The following TRIO variants were observed in gnomAD, a reference collection of about 807,000 sequenced individuals.
TRIO encodes triple functional domain protein.
TRIO carries 58 observed loss-of-function variants against 351.9 expected under a neutral mutation model. The ratio of observed to expected loss-of-function variants is 0.16; its 90% CI spans 0.13 to 0.21. The LOEUF (loss-of-function observed/expected upper bound fraction) is 0.21, where lower values mean the gene tolerates loss of function less well. Ranked by LOEUF, TRIO falls within the 10% of genes least tolerant of loss-of-function variation. The pLI is 1.00. For synonymous variants in TRIO, 1,758 were observed against 1,595.7 expected, an observed-to-expected ratio of 1.10 and a Z score of -2.42; for missense variants, 3,201 against 4,027.8, an observed-to-expected ratio of 0.79 and a Z score of 5.56.
intron 30 of TRIO, chr5:14,399,433 A>C: frequency 3.2e-6 from 1 of 309,024 alleles, no homozygotes; most frequent in Non-Finnish European, 5.9e-6. Flanking sequence ...TTTTTCAACC[A>C]TAAACATTGG....
At chr5:14,465,463 G>A (rs1754181288) in intron 36 of TRIO, 82 bp from the exon 37 acceptor site, 3 of 1,338,948 alleles carry the variant, frequency 2.2e-6, no homozygotes, top group Non-Finnish European at 3.2e-6. Flanking sequence ...AAGAGATGGA[G>A]CTTGCAGGGG....
chr5:14,302,198 A>G (rs1055080658), intron 7 of TRIO, among the ~76,000 whole-genome samples: 2 of 152,230 alleles, frequency 1.3e-5, no homozygotes, highest in African/African-American at 2.4e-5. Flanking sequence ...ATATAGTGAT[A>G]TGTTAATCTG....
intron 1 of TRIO, among the ~76,000 whole-genome samples, chr5:14,260,884 A>G (rs1795303339): frequency 1.3e-5 from 2 of 152,352 alleles, no homozygotes; most frequent in South Asian, 2.1e-4. Context: ...GCTTTGGTGT[A>G]TGTTTTCCCC....
chr5:14,503,290 C>T (rs1757423278), intron 54 of TRIO, among the ~76,000 whole-genome samples: 1 of 152,222 alleles, frequency 6.6e-6, no homozygotes, highest in Non-Finnish European at 1.5e-5. Context: ...CCAGAAACTC[C>T]AGCCAGCAGC....
rs956438598 is a variant in TRIO, at chr5:14,387,793, G to A, written c.3827G>A (p.Arg1276Gln). The change falls in exon 23 of 57, where the codon CGA (arginine) becomes CAA (glutamine). Residue 1276 changes from arginine to glutamine, a missense_variant. Physicochemically the swap from Arg to Gln is conservative, Grantham distance 43 (BLOSUM62 1). Transcript: ENST00000344204. ...ATCCCTGGCTCAGAGGTGAAACTTCGAGATGCTGCTCATGAACTTAATGAA... is the reference window on the plus strand; with the variant it reads ...ATCCCTGGCTCAGAGGTGAAACTTCAAGATGCTGCTCATGAACTTAATGAA... ...ASIPGSEVKL[R>Q]DAAHELNEEK... 4 of 1,614,196 alleles carry A rather than the reference G, an allele frequency of 2.5e-6. No homozygotes were observed. The highest frequency in any genetic ancestry group is 3.4e-6 in the Non-Finnish European group (4 of 1,180,036).
intron 6 of TRIO, among the ~76,000 whole-genome samples, chr5:14,294,219 C>T (rs1230413154): frequency 1.3e-5 from 2 of 152,056 alleles, no homozygotes. Flanking sequence ...AATATGAAGA[C>T]AGGGTTTTTG....
chr5:14,504,479 A>G lies in TRIO; in HGVS notation c.8498A>G (p.Lys2833Arg), dbSNP rs772068570. Residue 2833 changes from lysine to arginine, a missense_variant, in exon 55 of 57, where the codon AAG becomes AGG. Transcript: ENST00000344204. ...AAGTTTGTGAACAAGAAGTTGATGA[A>G]GCGCGACCAGGTCACCCATGAGCTT... ...ATKFVNKKLM[K>R]RDQVTHELGI... 1 of 1,614,122 alleles carries G rather than the reference A, an allele frequency of 6.2e-7. No individual in the cohort carries two copies. The highest frequency in any genetic ancestry group is 2.2e-5 in the East Asian group (1 of 44,874).
intron 21 of TRIO, 22 bp downstream of exon 21, chr5:14,381,274 T>C (rs138106621): frequency 1.3e-6 from 2 of 1,578,104 alleles, no homozygotes; most frequent in East Asian, 4.5e-5. Context: ...GTGTACTTTG[T>C]ATAGTGGCCT....
At chr5:14,242,384 G>T (rs1359522072) in intron 1 of TRIO, among the ~76,000 whole-genome samples, 1 of 152,194 alleles carries the variant, frequency 6.6e-6, no homozygotes, top group East Asian at 1.9e-4. Flanking sequence ...AAACACAAAA[G>T]ATACCAATCT....
rs1756080198 is a variant in TRIO at position 14,487,839 on chromosome 5, G to C, written c.7211G>C (p.Arg2404Pro). ...GGCGCGGACGCCGAGGGGTCCGAGC[G>C]AGAAGCGGAGCCGATCCCCAAGATG... ...PPGADAEGSE[R>P]EAEPIPKMKV... is the part of the protein sequence containing the mutation. The change falls in exon 48 of 57, where the codon CGA becomes CCA. Residue 2404 changes from arginine to proline, a missense_variant. Arg to Pro is a moderately radical substitution (Grantham distance 103). This residue lies in a region of TRIO where 1,089 missense variants were observed against 954.9 expected (regional missense o/e 1.14). Coordinates refer to ENST00000344204, the MANE Select transcript of TRIO (RefSeq NM_007118.4). 2 of 1,518,922 alleles carry C rather than the reference G, an allele frequency of 1.3e-6. No homozygotes were observed. The highest frequency in any genetic ancestry group is 1.8e-6 in the Non-Finnish European group (2 of 1,132,814). The allele number at this position is 1,518,922 out of a possible 1,614,324, so 94.1% of individuals were successfully genotyped here. A position where few individuals can be genotyped will look rare whatever the true frequency, so the allele number is the denominator to read the frequency against.
At chr5:14,299,809 G>C (rs764606495) in intron 7 of TRIO, among the ~76,000 whole-genome samples, 1 of 152,160 alleles carries the variant, frequency 6.6e-6, no homozygotes, top group Non-Finnish European at 1.5e-5. Context: ...GGGACATAAG[G>C]CTCAAATATG....
At chr5:14,428,101 C>T (rs897177321) in intron 34 of TRIO, among the ~76,000 whole-genome samples, 2 of 152,088 alleles carry the variant, frequency 1.3e-5, no homozygotes. Context: ...AAGGATCTGC[C>T]GCAAAGGTGA....
At chr5:14,145,164 T>A (rs938266255) in intron 1 of TRIO, among the ~76,000 whole-genome samples, 5 of 152,176 alleles carry the variant, frequency 3.3e-5, no homozygotes, top group Non-Finnish European at 5.9e-5. Flanking sequence ...CCGTGGCCTC[T>A]TTGAAAATCA....
chr5:14,487,549 C>G lies in TRIO; in HGVS notation c.6921C>G (p.Gly2307=). ...GGSGGSGGGG[G]SGGGGAPSGG... is the part of the protein sequence containing the mutation. ...GCGGGGGCAGCGGCGGGGGTGGGGG[C>G]AGCGGCGGCGGCGGGGCCCCCAGTG... Residue 2307 remains glycine (G), a synonymous_variant, in exon 48 of 57, where the codon GGC becomes GGG. Transcript: ENST00000344204. 1.9e-6 allele frequency: 2 copies of G among 1,070,910 alleles called. No homozygotes were observed. Among genetic ancestry groups the G allele is most frequent in the Non-Finnish European group, 2.3e-6 (2 of 876,410 alleles). 66.3% of individuals were successfully genotyped at this position (1,070,910 alleles called of 1,614,324 possible).
intron 1 of TRIO, among the ~76,000 whole-genome samples, chr5:14,185,321 C>T (rs772647010): frequency 3.3e-5 from 5 of 152,234 alleles, no homozygotes; most frequent in Non-Finnish European, 7.3e-5. Context: ...ACTCCTGATG[C>T]AGACTGAATG....
Position 14,479,902 on chromosome 5 carries a change from C to T in TRIO, c.6244-17C>T, listed in dbSNP as rs750085088. 6.8e-6 allele frequency: 11 copies of T among 1,612,044 alleles called. No homozygotes were observed. The highest frequency in any genetic ancestry group is 2.7e-5 in the African/African-American group (2 of 74,888). On this transcript the variant is annotated splice_polypyrimidine_tract_variant and intron_variant, in intron 42 of 56. Coordinates refer to ENST00000344204, the MANE Select transcript of TRIO (RefSeq NM_007118.4). Reference sequence around the variant, plus strand: ...ATGAACAGCCCATACGATCTTTTCTCTCTCTTAAAACTGTAGGACTTAAAG... The same window carrying T: ...ATGAACAGCCCATACGATCTTTTCTTTCTCTTAAAACTGTAGGACTTAAAG...
chr5:14,402,416 C>T (rs934907274), intron 31 of TRIO, among the ~76,000 whole-genome samples: 3 of 152,204 alleles, frequency 2.0e-5, no homozygotes, highest in African/African-American at 7.2e-5. Flanking sequence ...ACCTTTCTGA[C>T]TTCCAAGGAG....
chr5:14,340,346 G>A (rs369056500), intron 11 of TRIO, among the ~76,000 whole-genome samples: 4 of 148,146 alleles, frequency 2.7e-5, no homozygotes, highest in Non-Finnish European at 4.4e-5. Flanking sequence ...GCAGTGAGCC[G>A]AGATTGTGCC....
intron 55 of TRIO, among the ~76,000 whole-genome samples, chr5:14,505,323 A>G (rs1316258781): frequency 6.6e-6 from 1 of 152,258 alleles, no homozygotes; most frequent in South Asian, 2.1e-4. Context: ...AGGCAGGGAC[A>G]ACCCCCATGG....
Sources: gnomAD v4.1 joint callset for allele counts (sites outside exome capture counted in the v4.1 genomes callset) on GRCh38, gnomAD v4.1.1 for gene constraint, gnomAD v4.1.1 regional missense constraint, MANE v1.5 for transcripts, NCBI Gene and HGNC (gene_info 2026-07-23, HGNC 2026-07-21) for gene names.